The following STK3 variants were observed in gnomAD, a reference collection of about 807,000 sequenced individuals.
The protein encoded by STK3 is serine/threonine-protein kinase 3.
A neutral mutation model predicts 58.0 loss-of-function variants in STK3; 41 were observed. That is an observed-to-expected ratio of 0.71 (90% CI 0.55 to 0.92). The LOEUF is 0.92. STK3 is among the 40% of genes least tolerant of loss of function. STK3 has a pLI of 0.00. For synonymous variants in STK3, 170 were observed against 191.0 expected (o/e 0.89, Z 0.91); for missense variants, 479 against 602.7 (o/e 0.79, Z 2.15).
chr8:98,582,182 T>G (rs1311182015), intron 7 of STK3, among the ~76,000 whole-genome samples: 1 of 152,156 alleles, frequency 6.6e-6, no homozygotes, highest in African/African-American at 2.4e-5. Context: ...TTAGGTGGTT[T>G]AAGAATCCTC....
At chr8:98,863,024 C>G (rs1382062099) in intron 3 of STK3, among the ~76,000 whole-genome samples, 1 of 152,154 alleles carries the variant, frequency 6.6e-6, no homozygotes, top group Non-Finnish European at 1.5e-5. Context: ...CCAGGGCTGC[C>G]AAGGATGTCA....
At chr8:98,893,494 A>G (rs1281193207) in intron 1 of STK3, among the ~76,000 whole-genome samples, 7 of 117,096 alleles carry the variant, frequency 6.0e-5, no homozygotes, top group African/African-American at 1.7e-4. Context: ...AAGAGAAAGA[A>G]AGAAAGAAAG....
chr8:98,638,548 A>C (rs971100021), intron 6 of STK3: 1 of 152,262 alleles, frequency 6.6e-6, no homozygotes, highest in Admixed American at 6.5e-5. Context: ...TGACACAACC[A>C]ATCAAGGCAT....
intron 1 of STK3, among the ~76,000 whole-genome samples, chr8:98,787,802 A>G (rs531441666): frequency 2.6e-5 from 4 of 152,308 alleles, no homozygotes; most frequent in Admixed American, 1.3e-4. Flanking sequence ...CAAAACAATT[A>G]TCAGCCAAGA....
intron 4 of STK3, among the ~76,000 whole-genome samples, chr8:98,727,524 T>A (rs540066032): frequency 2.2e-4 from 34 of 152,302 alleles, no homozygotes; most frequent in South Asian, 1.2e-3. Flanking sequence ...TTCAGTAAAC[T>A]TGAAGTAAAT....
intron 9 of STK3, among the ~76,000 whole-genome samples, chr8:98,536,392 G>A (rs1010602479): frequency 2.0e-5 from 3 of 152,042 alleles, no homozygotes; most frequent in African/African-American, 7.2e-5. Context: ...GTTTGAAGCT[G>A]CAATAAGCTA....
intron 1 of STK3, chr8:98,905,718 A>G (rs1838871521): frequency 1.7e-6 from 1 of 604,734 alleles, no homozygotes; most frequent in African/African-American, 1.9e-5. Context: ...CTCCTGCGTC[A>G]GAGAGAACCC....
the STK3 span, among the ~76,000 whole-genome samples, chr8:98,351,777 C>G: frequency 6.6e-6 from 1 of 152,154 alleles, no homozygotes; most frequent in Non-Finnish European, 1.5e-5. Flanking sequence ...TGCAAATCTC[C>G]TTAGAGAAAT....
intron 1 of STK3, among the ~76,000 whole-genome samples, chr8:98,925,416 A>G (rs1041816724): frequency 7.9e-5 from 12 of 152,236 alleles, no homozygotes; most frequent in African/African-American, 2.7e-4. Context: ...TAGCTCTCCC[A>G]AGATCATGGA....
chr8:98,728,240 A>G (rs997825971), intron 4 of STK3, among the ~76,000 whole-genome samples: 1 of 152,226 alleles, frequency 6.6e-6, no homozygotes, highest in East Asian at 1.9e-4. Context: ...TTGAAAATAT[A>G]AAATATCCAA....
intron 3 of STK3, among the ~76,000 whole-genome samples, chr8:98,832,396 C>T (rs1835569877): frequency 6.6e-6 from 1 of 151,806 alleles, no homozygotes. Flanking sequence ...TAAAATTAAG[C>T]TATATACTTC....
intron 1 of STK3, among the ~76,000 whole-genome samples, chr8:98,917,898 A>C (rs1202601687): frequency 6.6e-6 from 1 of 152,220 alleles, no homozygotes; most frequent in Non-Finnish European, 1.5e-5. Flanking sequence ...GTGGGAGGGA[A>C]AAAACCAACA....
At chr8:98,460,791 C>T (rs1738544960) in intron 10 of STK3, among the ~76,000 whole-genome samples, 1 of 152,176 alleles carries the variant, frequency 6.6e-6, no homozygotes, top group Non-Finnish European at 1.5e-5. Context: ...TAAGAAGGTC[C>T]AAGCTTGCTT....
At chr8:98,806,711 T>C (rs1833903669) in intron 1 of STK3, among the ~76,000 whole-genome samples, 1 of 152,148 alleles carries the variant, frequency 6.6e-6, no homozygotes, top group African/African-American at 2.4e-5. Flanking sequence ...TTACTGAAGA[T>C]AATCTATGTA....
chr8:98,351,167 C>T, the STK3 span, among the ~76,000 whole-genome samples: 20 of 152,292 alleles, frequency 1.3e-4, no homozygotes, highest in African/African-American at 4.8e-4. Flanking sequence ...GAAACTGGCT[C>T]CATAAGTCCC....
chr8:98,682,739 A>C (rs1823727672), intron 6 of STK3, among the ~76,000 whole-genome samples: 1 of 152,138 alleles, frequency 6.6e-6, no homozygotes, highest in South Asian at 2.1e-4. Context: ...TTCTTTTTAA[A>C]AATATCAATC....
In STK3 at chr8:98,812,428, AC is replaced by A. The variant is rs549588664; in HGVS notation, c.26+13086del. 1.7e-3 allele frequency among the ~76,000 whole-genome samples: 261 copies of A among 152,342 alleles called. 1 individual carries two copies. The highest frequency in any genetic ancestry group is 6.8e-3 in the Middle Eastern group (2 of 294). ...GAAGTGGAGAAATAAGAAAACTTTT[AC>A]ACTGTTGGTGGGACTATAAACTAGT... On this transcript the variant is annotated intron_variant, in intron 1 of 10. Coordinates refer to ENST00000419617, the MANE Select transcript of STK3 (RefSeq NM_006281.4).
intron 3 of STK3, among the ~76,000 whole-genome samples, chr8:98,417,223 A>T (rs778992688): frequency 3.3e-5 from 5 of 152,106 alleles, no homozygotes; most frequent in Non-Finnish European, 7.4e-5. Flanking sequence ...ATGTTTAAGA[A>T]CATAGTTTTG....
intron 10 of STK3, among the ~76,000 whole-genome samples, chr8:98,474,284 AG>A (rs1346476131): frequency 6.6e-6 from 1 of 152,164 alleles, no homozygotes; most frequent in Non-Finnish European, 1.5e-5. Context: ...CTCTCCATAC[AG>A]CAGCCAGAAT....
Sources: gnomAD v4.1 joint callset for allele counts (sites outside exome capture counted in the v4.1 genomes callset) on GRCh38, gnomAD v4.1.1 for gene constraint, MANE v1.5 for transcripts, NCBI Gene and HGNC (gene_info 2026-07-23, HGNC 2026-07-21) for gene names.